Variants in IFT56 observed in about 807,000 individuals in gnomAD.
IFT56 encodes intraflagellar transport 56, also known as intraflagellar transport protein 56.
At chr7:139,147,290 G>T in the IFT56 span, 1 of 1,597,662 alleles carries the variant, frequency 6.3e-7, no homozygotes. Flanking sequence ...CTAGATAACA[G>T]GTCTGTGTCC....
the IFT56 span, chr7:139,172,724 C>G: frequency 1.6e-6 from 1 of 627,394 alleles, no homozygotes; most frequent in South Asian, 1.4e-5. Flanking sequence ...ATGTTATACC[C>G]CATAAATGTA....
the IFT56 span, among the ~76,000 whole-genome samples, chr7:139,161,523 G>A: frequency 6.6e-6 from 1 of 152,184 alleles, no homozygotes; most frequent in African/African-American, 2.4e-5. Flanking sequence ...TGATTCTATT[G>A]ACCAATATAG....
At chr7:139,137,652 A>G in the IFT56 span, among the ~76,000 whole-genome samples, 1 of 152,266 alleles carries the variant, frequency 6.6e-6, no homozygotes, top group Non-Finnish European at 1.5e-5. Flanking sequence ...CAAATATGAA[A>G]TACTTGAAAA....
chr7:139,140,193 C>T, the IFT56 span, among the ~76,000 whole-genome samples: 1 of 152,246 alleles, frequency 6.6e-6, no homozygotes, highest in African/African-American at 2.4e-5. Flanking sequence ...GTTAGTGCTA[C>T]ACCCCACCAG....
the IFT56 span, among the ~76,000 whole-genome samples, chr7:139,175,380 C>T: frequency 6.6e-6 from 1 of 152,016 alleles, no homozygotes; most frequent in Non-Finnish European, 1.5e-5. Flanking sequence ...GGTATATACC[C>T]AAAAGAAAGG....
the IFT56 span, among the ~76,000 whole-genome samples, chr7:139,164,861 G>A: frequency 1.3e-5 from 2 of 152,058 alleles, no homozygotes; most frequent in Non-Finnish European, 2.9e-5. Flanking sequence ...TTTACATAGG[G>A]TTAAAAATAA....
At chr7:139,185,174 C>A in the IFT56 span, among the ~76,000 whole-genome samples, 1 of 151,298 alleles carries the variant, frequency 6.6e-6, no homozygotes, top group Non-Finnish European at 1.5e-5. Context: ...GCATTCCAAC[C>A]TGGATGACAA....
the IFT56 span, chr7:139,142,231 T>C: frequency 3.7e-6 from 6 of 1,613,868 alleles, no homozygotes; most frequent in Admixed American, 5.0e-5. Flanking sequence ...AGTTCTTTAA[T>C]AAGCAGCTTG....
At chr7:139,172,523 G>T in the IFT56 span, 12 of 481,312 alleles carry the variant, frequency 2.5e-5, no homozygotes, top group African/African-American at 2.4e-4. Flanking sequence ...GTAATAAATT[G>T]CCCGGAGATT....
At chr7:139,133,779 G>C in the IFT56 span, 1 of 1,598,896 alleles carries the variant, frequency 6.3e-7, no homozygotes, top group Non-Finnish European at 8.6e-7. Context: ...CGTGGAGACA[G>C]AACGTGCTGT....
At chr7:139,189,225 C>G in the IFT56 span, 31 of 846,990 alleles carry the variant, frequency 3.7e-5, no homozygotes, top group Admixed American at 6.3e-4. Flanking sequence ...AAATGCCCTA[C>G]AAGACATACA....
At chr7:139,158,674 G>T in the IFT56 span, among the ~76,000 whole-genome samples, 885 of 152,258 alleles carry the variant, frequency 5.8e-3, 3 homozygotes, top group Non-Finnish European at 8.8e-3. Context: ...AGCACTTTGG[G>T]AGGCTGAGAT....
the IFT56 span, among the ~76,000 whole-genome samples, chr7:139,152,761 T>C: frequency 6.6e-6 from 1 of 152,326 alleles, no homozygotes; most frequent in Admixed American, 6.5e-5. Context: ...ATCATACAAT[T>C]CACCCTTTTA....
chr7:139,133,942 G>T, the IFT56 span: 1 of 1,556,318 alleles, frequency 6.4e-7, no homozygotes, highest in Non-Finnish European at 8.9e-7. Context: ...ACTTCTGTGT[G>T]AAGTCTAGGT....
chr7:139,134,504 C>A, the IFT56 span: 1 of 743,072 alleles, frequency 1.3e-6, no homozygotes, highest in Non-Finnish European at 2.0e-6. Context: ...CTCCTGACCT[C>A]GTGATCCGCC....
At chr7:139,178,347 G>T in the IFT56 span, 1 of 1,540,500 alleles carries the variant, frequency 6.5e-7, no homozygotes, top group Non-Finnish European at 8.9e-7. Flanking sequence ...AAAATACTAT[G>T]GAATGTGTCA....
chr7:139,170,690 A>G, the IFT56 span, among the ~76,000 whole-genome samples: 4 of 152,206 alleles, frequency 2.6e-5, no homozygotes, highest in East Asian at 7.7e-4. Flanking sequence ...CTGAGTATAA[A>G]TGGAACATAC....
chr7:139,157,658 T>C, the IFT56 span, among the ~76,000 whole-genome samples: 1 of 151,792 alleles, frequency 6.6e-6, no homozygotes, highest in South Asian at 2.1e-4. Context: ...TGTATGCCAC[T>C]GTGTCCAACT....
the IFT56 span, among the ~76,000 whole-genome samples, chr7:139,177,924 T>C: frequency 2.0e-5 from 3 of 152,186 alleles, no homozygotes; most frequent in South Asian, 6.2e-4. Context: ...GATGAGAGCA[T>C]CAAAGCCCTG....
Sources: gnomAD v4.1 joint callset for allele counts (sites outside exome capture counted in the v4.1 genomes callset) on GRCh38, gnomAD v4.1.1 for gene constraint, MANE v1.5 for transcripts, NCBI Gene and HGNC (gene_info 2026-07-23, HGNC 2026-07-21) for gene names.